The following PCTP variants were observed in gnomAD, a reference collection of about 807,000 sequenced individuals.
The protein encoded by PCTP is phosphatidylcholine transfer protein.
In PCTP, 27 loss-of-function variants were observed where a neutral mutation model predicts 31.0. That is an observed-to-expected ratio of 0.87 (90% CI 0.64 to 1.20). The LOEUF (loss-of-function observed/expected upper bound fraction) is 1.20. Among genes scored for constraint, PCTP ranks in the 50% most tolerant of loss-of-function variants. PCTP has a pLI of 0.00. For synonymous variants in PCTP, 108 were observed against 101.2 expected, an observed-to-expected ratio of 1.07 and a Z score of -0.40; for missense variants, 287 against 268.2, an observed-to-expected ratio of 1.07 and a Z score of -0.49.
downstream of PCTP, among the ~76,000 whole-genome samples, chr17:55,825,232 T>C (rs1905358043): frequency 6.6e-6 from 1 of 152,224 alleles, no homozygotes; most frequent in South Asian, 2.1e-4. Flanking sequence ...AGAAGTTAGT[T>C]GTTTGTAGCT....
intron 4 of PCTP, 29 bp downstream of exon 4, chr17:55,773,924 C>G (rs773273232): frequency 6.4e-7 from 1 of 1,563,334 alleles, no homozygotes; most frequent in Non-Finnish European, 8.7e-7. Context: ...GTCAGTGCAC[C>G]CAGCCAGGGG....
chr17:55,845,212 C>CA (rs1350173514), downstream of PCTP, among the ~76,000 whole-genome samples: 1 of 151,472 alleles, frequency 6.6e-6, no homozygotes, highest in East Asian at 1.9e-4. Context: ...TGCTTTAGAG[C>CA]AGGGTTCCCT....
intron 3 of PCTP, among the ~76,000 whole-genome samples, chr17:55,809,015 A>C (rs575200869): frequency 9.8e-5 from 15 of 152,320 alleles, no homozygotes; most frequent in African/African-American, 3.6e-4. Context: ...GTGAGCAAAA[A>C]CCAGCTAATC....
In PCTP at chr17:55,776,785, A is replaced by C; in HGVS notation, c.*685A>C. On this transcript the variant is annotated 3_prime_UTR_variant, in exon 6 of 6. Coordinates refer to ENST00000268896, the MANE Select transcript of PCTP (RefSeq NM_021213.4). ...GCCTGACCGGACACATAATATGACA[A>C]CCACATTTTTCCTCATCATCCATGA... The C allele has an allele frequency of 9.3e-7, 1 of 1,079,508 alleles. No individual in the cohort carries two copies. The highest frequency in any genetic ancestry group is 1.1e-6 in the Non-Finnish European group (1 of 891,384). 66.9% of individuals were successfully genotyped at this position (1,079,508 alleles called of 1,614,324 possible).
intron 3 of PCTP, among the ~76,000 whole-genome samples, chr17:55,806,270 G>T (rs1161409729): frequency 6.6e-6 from 1 of 152,068 alleles, no homozygotes; most frequent in Non-Finnish European, 1.5e-5. Flanking sequence ...CCAGGAGAAG[G>T]ACTTTATGAC....
downstream of PCTP, among the ~76,000 whole-genome samples, chr17:55,780,105 T>C (rs1242299309): frequency 2.4e-4 from 37 of 151,874 alleles, no homozygotes; most frequent in Admixed American, 2.2e-3. Flanking sequence ...TTTTTTTTTT[T>C]TGCTTGAGAA....
intron 3 of PCTP, among the ~76,000 whole-genome samples, chr17:55,809,811 A>G (rs1912692010): frequency 6.6e-6 from 1 of 152,098 alleles, no homozygotes; most frequent in Admixed American, 6.6e-5. Context: ...ATGAGCCACC[A>G]CATCTGGCCA....
intron 5 of PCTP, among the ~76,000 whole-genome samples, chr17:55,838,809 T>G (rs1905861541): frequency 6.6e-6 from 1 of 152,204 alleles, no homozygotes; most frequent in Non-Finnish European, 1.5e-5. Context: ...GAAGTGTACT[T>G]ATCGGAGATT....
intron 3 of PCTP, among the ~76,000 whole-genome samples, chr17:55,788,183 A>G (rs115218237): frequency 3.0e-3 from 456 of 152,290 alleles, no homozygotes; most frequent in African/African-American, 9.5e-3. Flanking sequence ...AAAATGAAGG[A>G]CTTCACACTA....
At chr17:55,818,251 T>G (rs1053538230) in intron 3 of PCTP, among the ~76,000 whole-genome samples, 1 of 145,208 alleles carries the variant, frequency 6.9e-6, no homozygotes, top group Non-Finnish European at 1.5e-5. Flanking sequence ...TAGGCATGTA[T>G]TTTTTGAAAG....
At chr17:55,792,090 G>T (rs1398699587) in intron 3 of PCTP, among the ~76,000 whole-genome samples, 1 of 145,688 alleles carries the variant, frequency 6.9e-6, no homozygotes, top group African/African-American at 2.6e-5. Flanking sequence ...CTCACTCATA[G>T]GTGGGAATTG....
chr17:55,763,111 C>T (rs113542989), intron 1 of PCTP, among the ~76,000 whole-genome samples: 277 of 152,242 alleles, frequency 1.8e-3, no homozygotes, highest in Non-Finnish European at 3.1e-3. Context: ...GAGTAAGCTT[C>T]TTTGGAGTCA....
intron 1 of PCTP, among the ~76,000 whole-genome samples, chr17:55,760,725 T>A (rs1910298397): frequency 6.6e-6 from 1 of 152,106 alleles, no homozygotes; most frequent in South Asian, 2.1e-4. Context: ...AAAAAATACT[T>A]CTTCTGGCCC....
At chr17:55,844,904 A>G (rs1208186757), downstream of PCTP, among the ~76,000 whole-genome samples, 1 of 151,756 alleles carries the variant, frequency 6.6e-6, no homozygotes, top group African/African-American at 2.4e-5. Flanking sequence ...CCTGACCAAC[A>G]TGGTGAAACC....
chr17:55,751,115 C>T lies in PCTP; in HGVS notation c.12C>T (p.Ala4=), dbSNP rs543062450. 1 of 1,540,866 alleles carries T rather than the reference C, an allele frequency of 6.5e-7. No homozygotes were observed. Among genetic ancestry groups the T allele is most frequent in the South Asian group, 1.2e-5 (1 of 83,256 alleles). MEL[A]AGSFSEEQFW... is the part of the protein sequence containing the mutation. Reference sequence around the variant, plus strand: ...CGGACTGCGGAAGGATGGAGCTGGCCGCCGGAAGCTTCTCGGAGGAGCAGT... The same window carrying T: ...CGGACTGCGGAAGGATGGAGCTGGCTGCCGGAAGCTTCTCGGAGGAGCAGT... The change falls in exon 1 of 6, where the codon GCC becomes GCT. Residue 4 remains alanine, a synonymous_variant. Coordinates refer to ENST00000268896, the MANE Select transcript of PCTP (RefSeq NM_021213.4).
At chr17:55,822,803 CTCA>C in exon 4 of PCTP, 1 of 1,231,394 alleles carries the variant, frequency 8.1e-7, no homozygotes, top group Non-Finnish European at 1.0e-6. Context: ...TCAGAGAGAC[CTCA>C]TCAAGTTTTT....
downstream of PCTP, among the ~76,000 whole-genome samples, chr17:55,845,438 G>A (rs1001453319): frequency 1.3e-5 from 2 of 152,116 alleles, no homozygotes; most frequent in Admixed American, 6.6e-5. Context: ...CTCCCAGGAC[G>A]GCGTCCGCGG....
the PCTP span, among the ~76,000 whole-genome samples, chr17:55,848,446 C>T: frequency 6.6e-6 from 1 of 152,056 alleles, no homozygotes; most frequent in Non-Finnish European, 1.5e-5. Flanking sequence ...AAAGTTTTAC[C>T]CTTACTAGGT....
chr17:55,776,665 G>T lies in PCTP; in HGVS notation c.*565G>T. On this transcript the variant is annotated 3_prime_UTR_variant, in exon 6 of 6. Coordinates refer to ENST00000268896, the MANE Select transcript of PCTP (RefSeq NM_021213.4). ...TGCTTTGTGGAGCTGATTAGGCTGG[G>T]ATTTGAGGTGATAATCCAGTAAGTC... 8.2e-7 allele frequency: 1 copy of T among 1,226,870 alleles called. No individual in the cohort carries two copies. The highest frequency in any genetic ancestry group is 1.0e-6 in the Non-Finnish European group (1 of 985,376). The allele number at this position is 1,226,870 out of a possible 1,614,324, so 76.0% of individuals were successfully genotyped here.
Sources: allele counts gnomAD v4.1 joint callset (sites outside exome capture counted in the v4.1 genomes callset), GRCh38; gene constraint gnomAD v4.1.1; transcripts MANE v1.5; gene names NCBI Gene and HGNC (gene_info 2026-07-23, HGNC 2026-07-21).